Variants in DHRS4 observed in about 807,000 individuals in gnomAD.
DHRS4 encodes dehydrogenase/reductase 4.
A neutral mutation model predicts 28.4 loss-of-function variants in DHRS4; 20 were observed. That is an observed-to-expected ratio of 0.71 (90% CI 0.50 to 1.02). The LOEUF is 1.02. DHRS4 is among the 50% of genes least tolerant of loss of function. The pLI, the probability that DHRS4 is intolerant of heterozygous loss-of-function variation, is 0.00. For missense variants in DHRS4, 378 were observed against 367.2 expected (o/e 1.03, Z -0.24); for synonymous variants, 144 against 146.4 (o/e 0.98, Z 0.12).
At position 23,965,835 on chromosome 14, in the gene DHRS4, A is replaced by G; in HGVS notation, c.479+3A>G. On this transcript the variant is annotated splice_donor_region_variant and intron_variant, in intron 4 of 7. Transcript: ENST00000313250. ...GTGCCAGAAATGGAGAAACGAGGGTACAGAGAGTGAGAGAGAGCCTGGGTG... is the reference window on the plus strand; with the variant it reads ...GTGCCAGAAATGGAGAAACGAGGGTGCAGAGAGTGAGAGAGAGCCTGGGTG... 1.9e-6 allele frequency: 3 copies of G among 1,606,960 alleles called. No individual in the cohort carries two copies. The highest frequency in any genetic ancestry group is 2.6e-6 in the Non-Finnish European group (3 of 1,176,242).
chr14:23,961,783 G>A (rs1041794681), intron 3 of DHRS4, among the ~76,000 whole-genome samples: 1 of 118,574 alleles, frequency 8.4e-6, no homozygotes, highest in Non-Finnish European at 1.6e-5. Flanking sequence ...AAAATATTGG[G>A]ATTGCAGGCA....
chr14:23,963,170 G>A (rs2033486756), intron 3 of DHRS4, among the ~76,000 whole-genome samples: 1 of 107,786 alleles, frequency 9.3e-6, no homozygotes, highest in South Asian at 2.9e-4. Context: ...AGAATTTTCA[G>A]AATGGTAAAT....
At chr14:23,956,599 CTT>C (rs1229716867) in intron 2 of DHRS4, among the ~76,000 whole-genome samples, 7 of 116,980 alleles carry the variant, frequency 6.0e-5, no homozygotes, top group Non-Finnish European at 8.5e-5. Context: ...CCTCCATATC[CTT>C]TTTTTTTTTT....
At position 23,960,780 on chromosome 14, in the gene DHRS4, G is replaced by T. The variant is rs144808678; in HGVS notation, c.408+777G>T. ...ATGTTGTATTAGTCTGTTTTGCATT[G>T]CTATAAAGGAATATCTGAGCTGGGC... On this transcript the variant is annotated intron_variant, in intron 3 of 7. Transcript: ENST00000313250. Among the ~76,000 whole-genome samples the T allele has an allele frequency of 6.2e-4, 94 of 152,144 alleles. No individual in the cohort carries two copies. In the East Asian group the frequency reaches 0.018, roughly 29 times the overall value.
At chr14:23,964,443 CATT>C (rs1476955672) in intron 3 of DHRS4, among the ~76,000 whole-genome samples, 3 of 142,162 alleles carry the variant, frequency 2.1e-5, no homozygotes, top group African/African-American at 5.2e-5. Flanking sequence ...AAATTATCAT[CATT>C]GTCAAACTCT....
At chr14:23,954,996 G>A in intron 1 of DHRS4, 39 bp from the exon 2 acceptor site, 2 of 1,611,840 alleles carry the variant, frequency 1.2e-6, no homozygotes, top group Non-Finnish European at 1.7e-6. Flanking sequence ...CTCTTCCCCT[G>A]CACAGGCCTT....
intron 3 of DHRS4, among the ~76,000 whole-genome samples, chr14:23,964,945 T>C (rs557985253): frequency 1.8e-4 from 27 of 151,016 alleles, no homozygotes; most frequent in African/African-American, 6.6e-4. Context: ...GATTTTATTA[T>C]ATAAAATCTT....
At chr14:23,962,292 C>T (rs1407176419) in intron 3 of DHRS4, among the ~76,000 whole-genome samples, 1 of 111,286 alleles carries the variant, frequency 9.0e-6, no homozygotes, top group East Asian at 2.4e-4. Flanking sequence ...GTTGACTCTT[C>T]CTTTCACAAG....
At chr14:23,954,032 C>A in intron 1 of DHRS4, 116 bp downstream of exon 1, 1 of 1,464,166 alleles carries the variant, frequency 6.8e-7, no homozygotes, top group Non-Finnish European at 9.1e-7. Context: ...CAAAGTCTGG[C>A]CCTGGAAAAA....
rs761138106 is a variant in DHRS4 at position 23,959,956 on chromosome 14, C to A, written c.361C>A (p.Pro121Thr). ...CCTAGTCTCCAATGCTGCTGTCAAC[C>A]CTTTCTTTGGAAGCATAATGGATGT... ...DILVSNAAVNPFFGSIMDVTE... is the reference protein window; with the variant it reads ...DILVSNAAVNTFFGSIMDVTE... Residue 121 changes from proline (P) to threonine (T), a missense_variant, in exon 3 of 8, where the codon CCT becomes ACT. Coordinates refer to ENST00000313250, the MANE Select transcript of DHRS4 (RefSeq NM_021004.4). The A allele has an allele frequency of 5.0e-6, 8 of 1,609,062 alleles. No homozygotes were observed. The highest frequency in any genetic ancestry group is 6.8e-6 in the Non-Finnish European group (8 of 1,179,936).
intron 2 of DHRS4, among the ~76,000 whole-genome samples, chr14:23,957,581 G>C (rs2033226640): frequency 6.7e-6 from 1 of 150,282 alleles, no homozygotes; most frequent in Non-Finnish European, 1.5e-5. Context: ...TCCAGAGACA[G>C]GGCCTCCTTC....
At chr14:23,958,170 G>A (rs367603379) in intron 2 of DHRS4, among the ~76,000 whole-genome samples, 2 of 152,004 alleles carry the variant, frequency 1.3e-5, no homozygotes, top group Admixed American at 6.6e-5. Flanking sequence ...ATTAATACTG[G>A]TTTTAAAAGA....
chr14:23,959,970 C>T lies in DHRS4; in HGVS notation c.375C>T (p.Ser125=). 1 of 1,605,072 alleles carries T rather than the reference C, an allele frequency of 6.2e-7. No individual in the cohort carries two copies. Among genetic ancestry groups the T allele is most frequent in the African/African-American group, 1.4e-5 (1 of 69,268 alleles). The part of the protein sequence containing the change: ...SNAAVNPFFG[S]IMDVTEEVWD... ...CTGCTGTCAACCCTTTCTTTGGAAG[C>T]ATAATGGATGTCACTGAGGAGGTGT... Residue 125 remains serine, a synonymous_variant, in exon 3 of 8, where the codon AGC becomes AGT. Coordinates refer to ENST00000313250, the MANE Select transcript of DHRS4 (RefSeq NM_021004.4).
At chr14:23,967,589 G>T (rs146214706) in intron 7 of DHRS4, 151,150 of 509,268 alleles carry the variant, frequency 0.3, 18,354 homozygotes, top group East Asian at 0.41. Context: ...ACCATGCTTT[G>T]TTAGTCCCCT....
intron 2 of DHRS4, 76 bp from the exon 3 acceptor site, chr14:23,959,826 A>G (rs2033335247): frequency 6.5e-7 from 1 of 1,540,886 alleles, no homozygotes; most frequent in Non-Finnish European, 8.9e-7. Flanking sequence ...GCCCAGAAGG[A>G]AGTTTTTATC....
chr14:23,959,862 C>T (rs2033336790), intron 2 of DHRS4, 40 bp from the exon 3 acceptor site: 1 of 1,602,702 alleles, frequency 6.2e-7, no homozygotes, highest in African/African-American at 1.4e-5. Flanking sequence ...ACCTCCCTTA[C>T]TTACTGCAGC....
chr14:23,965,937 G>T lies in DHRS4; in HGVS notation c.485G>T (p.Gly162Val). 1.2e-6 allele frequency: 2 copies of T among 1,608,960 alleles called. No individual in the cohort carries two copies. The highest frequency in any genetic ancestry group is 1.7e-6 in the Non-Finnish European group (2 of 1,176,994). Residue 162 changes from glycine (G) to valine (V), a missense_variant, in exon 5 of 8, where the codon GGC becomes GTC. Gly to Val is a moderately radical substitution (Grantham distance 109, BLOSUM62 -3). Transcript: ENST00000313250. ...CAGCTCTCTTCTTTTTCCAGAGGCGGCTCAGTGGTGATCGTGTCTTCCATA... is the reference window on the plus strand; with the variant it reads ...CAGCTCTCTTCTTTTTCCAGAGGCGTCTCAGTGGTGATCGTGTCTTCCATA... ...VVPEMEKRGG[G>V]SVVIVSSIAA...
At chr14:23,954,463 T>C (rs1176248743) in intron 1 of DHRS4, among the ~76,000 whole-genome samples, 1 of 152,146 alleles carries the variant, frequency 6.6e-6, no homozygotes, top group Non-Finnish European at 1.5e-5. Context: ...TGGTCCTCAT[T>C]TCTACAGGAC....
At chr14:23,957,175 C>T (rs1004112126) in intron 2 of DHRS4, among the ~76,000 whole-genome samples, 3 of 152,080 alleles carry the variant, frequency 2.0e-5, no homozygotes, top group African/African-American at 7.2e-5. Flanking sequence ...TCAGTGGAAA[C>T]GAACCAAGAT....
Sources: allele counts gnomAD v4.1 joint callset (sites outside exome capture counted in the v4.1 genomes callset), GRCh38; gene constraint gnomAD v4.1.1; transcripts MANE v1.5; gene names NCBI Gene and HGNC (gene_info 2026-07-23, HGNC 2026-07-21).